Variants in PDGFRB observed in about 807,000 individuals in gnomAD.
PDGFRB encodes the protein platelet derived growth factor receptor beta.
PDGFRB carries 42 observed loss-of-function variants against 120.2 expected under a neutral mutation model. The ratio of observed to expected loss-of-function variants is 0.35; its 90% CI spans 0.27 to 0.45. PDGFRB has a LOEUF of 0.45. PDGFRB is among the 20% of genes least tolerant of loss of function. The pLI, the probability that PDGFRB is intolerant of heterozygous loss-of-function variation, is 1.00. For missense variants in PDGFRB, 1,149 were observed against 1,476.3 expected (o/e 0.78, Z 3.63); for synonymous variants, 586 against 606.8 (o/e 0.97, Z 0.50).
chr5:150,147,158 C>T (rs754120614), intron 1 of PDGFRB, among the ~76,000 whole-genome samples: 5 of 152,188 alleles, frequency 3.3e-5, no homozygotes, highest in Non-Finnish European at 7.4e-5. Context: ...CCAGGCCTGC[C>T]CCTGTGGGGG....
intron 1 of PDGFRB, among the ~76,000 whole-genome samples, chr5:150,152,192 C>A (rs1211306165): frequency 6.6e-6 from 1 of 152,052 alleles, no homozygotes; most frequent in East Asian, 1.9e-4. Flanking sequence ...CATGTGTGAG[C>A]CACCGTGCCC....
chr5:150,115,688 G>C lies in PDGFRB; in HGVS notation c.*75C>G. 7.2e-7 allele frequency: 1 copy of C among 1,391,726 alleles called. No homozygotes were observed. The highest frequency in any genetic ancestry group is 2.4e-5 in the East Asian group (1 of 41,576). The allele number at this position is 1,391,726 out of a possible 1,614,324, so 86.2% of individuals were successfully genotyped here. On this transcript the variant is annotated 3_prime_UTR_variant, in exon 23 of 23. Transcript: ENST00000261799. ...GGGCAGCCTGGCTGACAGGAAGCCCGGTCAGGCCAGGCCAGGAGATGCTGG... is the reference window on the plus strand; with the variant it reads ...GGGCAGCCTGGCTGACAGGAAGCCCCGTCAGGCCAGGCCAGGAGATGCTGG...
intron 1 of PDGFRB, among the ~76,000 whole-genome samples, chr5:150,142,466 G>A (rs1300934018): frequency 1.3e-5 from 2 of 152,200 alleles, no homozygotes; most frequent in Non-Finnish European, 2.9e-5. Flanking sequence ...AAGTTGTTGG[G>A]AGAAGTGAGC....
At chr5:150,118,587 C>T (rs1052154406) in intron 21 of PDGFRB, among the ~76,000 whole-genome samples, 160 bp downstream of exon 21, 5 of 152,118 alleles carry the variant, frequency 3.3e-5, no homozygotes, top group Non-Finnish European at 5.9e-5. Context: ...AAACTCACAG[C>T]GCCAGCCCAT....
At chr5:150,135,899 G>A in intron 2 of PDGFRB, 21 bp from the exon 3 acceptor site, 9 of 1,504,128 alleles carry the variant, frequency 6.0e-6, no homozygotes, top group Non-Finnish European at 7.1e-6. Flanking sequence ...GGAGGTATCA[G>A]ACATCAGGAA....
At position 150,132,537 on chromosome 5, in the gene PDGFRB, G is replaced by C. The variant is rs1760495299; in HGVS notation, c.1127+213C>G. Among the ~76,000 whole-genome samples, 1 of 152,214 alleles carries C rather than the reference G, an allele frequency of 6.6e-6. No homozygotes were observed. Among genetic ancestry groups the C allele is most frequent in the Non-Finnish European group, 1.5e-5 (1 of 68,042 alleles). ...CATCACAAGGACAACTAAACATCTG[G>C]GTGATCATCTGACCGGCGACTGTTT... On this transcript the variant is annotated intron_variant, in intron 7 of 22. Transcript: ENST00000261799. The surrounding 1 kb of genome is among the most constrained non-coding windows in gnomAD (Gnocchi z 5.0).
chr5:150,149,385 A>C (rs73277770), intron 1 of PDGFRB, among the ~76,000 whole-genome samples: 5,211 of 152,286 alleles, frequency 0.034, 328 homozygotes, highest in African/African-American at 0.12. Flanking sequence ...ATGACTGCAG[A>C]GCATTAAACC....
At chr5:150,136,971 C>G (rs139142234) in intron 2 of PDGFRB, 37 bp downstream of exon 2, 1 of 1,564,820 alleles carries the variant, frequency 6.4e-7, no homozygotes, top group African/African-American at 1.4e-5. Context: ...CACTCCGCAG[C>G]CCCCCGGGTC....
At chr5:150,155,012 C>A (rs1196245294) in intron 1 of PDGFRB, among the ~76,000 whole-genome samples, 1 of 152,142 alleles carries the variant, frequency 6.6e-6, no homozygotes, top group Non-Finnish European at 1.5e-5. Flanking sequence ...TCCTGAGGTC[C>A]CCAGTCCCCT....
At position 150,120,401 on chromosome 5, in the gene PDGFRB, G is replaced by A. The variant is rs1478982380; in HGVS notation, c.2587-278C>T. Among the ~76,000 whole-genome samples the A allele has an allele frequency of 6.6e-6, 1 of 152,174 alleles. No individual in the cohort carries two copies. Among genetic ancestry groups the A allele is most frequent in the Non-Finnish European group, 1.5e-5 (1 of 68,020 alleles). On this transcript the variant is annotated intron_variant, in intron 18 of 22. Transcript: ENST00000261799. The surrounding 1 kb of genome is among the most constrained non-coding windows in gnomAD (Gnocchi z 4.3). ...CTGAGTAGTGAAGTGTGGGAGCCAG[G>A]GACTTGTCAAGGCACCCCCCAAGCT...
chr5:150,123,353 C>T, intron 14 of PDGFRB, 152 bp from the exon 15 acceptor site: 1 of 625,608 alleles, frequency 1.6e-6, no homozygotes, highest in South Asian at 1.9e-5. Context: ...TCTTTTCCTG[C>T]CTCTGTGGTG....
Position 150,121,222 on chromosome 5 carries a change from C to T in PDGFRB, c.2445G>A (p.Glu815=), listed in dbSNP as rs1423105047. 1.3e-6 allele frequency: 2 copies of T among 1,571,750 alleles called. No homozygotes were observed. Among genetic ancestry groups the T allele is most frequent in the African/African-American group, 2.7e-5 (2 of 74,094 alleles). The stretch of plus-strand genomic sequence containing the variant: ...CACGTACGTTCTTGGAGGCCAGAAA[C>T]TCCATGCCATTGGCCACCTGGTAGC... ...GFSYQVANGM[E]FLASKNCVHR... Residue 815 remains glutamate, a synonymous_variant, in exon 17 of 23, where the codon GAG becomes GAA. Transcript: ENST00000261799. This position sits in a 1 kb window ranked among gnomAD's most constrained non-coding sequence, Gnocchi z 4.1.
chr5:150,136,569 T>C (rs938223677), intron 2 of PDGFRB, among the ~76,000 whole-genome samples: 2 of 152,130 alleles, frequency 1.3e-5, no homozygotes, highest in African/African-American at 4.8e-5. Context: ...CATTAATTGC[T>C]GGGTCAGTCG....
chr5:150,132,725 T>C lies in PDGFRB; in HGVS notation c.1127+25A>G, dbSNP rs777866659. 2 of 1,598,238 alleles carry C rather than the reference T, an allele frequency of 1.3e-6. No individual in the cohort carries two copies. Among genetic ancestry groups the C allele is most frequent in the Admixed American group, 1.7e-5 (1 of 58,792 alleles). ...CTGCAAAGAAAAATAACTTCAAGAATGGGATGGGAGAGCGAGCTGCTCACC... is the reference window on the plus strand; with the variant it reads ...CTGCAAAGAAAAATAACTTCAAGAACGGGATGGGAGAGCGAGCTGCTCACC... On this transcript the variant is annotated intron_variant, in intron 7 of 22. Coordinates refer to ENST00000261799, the MANE Select transcript of PDGFRB (RefSeq NM_002609.4). This position sits in a 1 kb window ranked among gnomAD's most constrained non-coding sequence, Gnocchi z 5.0.
intron 1 of PDGFRB, among the ~76,000 whole-genome samples, chr5:150,147,051 A>G (rs931351089): frequency 1.3e-5 from 2 of 152,186 alleles, no homozygotes; most frequent in Non-Finnish European, 1.5e-5. Flanking sequence ...TAGGAAAGCC[A>G]GGGTCTGGCA....
chr5:150,128,155 T>C (rs1760352011), intron 10 of PDGFRB, among the ~76,000 whole-genome samples: 1 of 152,218 alleles, frequency 6.6e-6, no homozygotes, highest in South Asian at 2.1e-4. Flanking sequence ...CTTGCAGCCA[T>C]CCTAGGCCCT....
Position 150,121,446 on chromosome 5 carries a change from C to T in PDGFRB, c.2345-124G>A. 1 of 694,608 alleles carries T rather than the reference C, an allele frequency of 1.4e-6. No individual in the cohort carries two copies. The highest frequency in any genetic ancestry group is 2.6e-6 in the Non-Finnish European group (1 of 377,532). The allele number at this position is 694,608 out of a possible 1,614,324, so 43.0% of individuals were successfully genotyped here. A position where few individuals can be genotyped will look rare whatever the true frequency, so the allele number is the denominator to read the frequency against. On this transcript the variant is annotated intron_variant, in intron 16 of 22. Coordinates refer to ENST00000261799, the MANE Select transcript of PDGFRB (RefSeq NM_002609.4). This position sits in a 1 kb window ranked among gnomAD's most constrained non-coding sequence, Gnocchi z 4.1. ...GTGGCTACTGATCGTCTAGGTCTCC[C>T]CTAAAAGGAGAATGATTTCTTAATA...
rs967451060 is a variant in PDGFRB at position 150,155,773 on chromosome 5, T to C, written c.-383A>G. On this transcript the variant is annotated 5_prime_UTR_variant, in exon 1 of 23. Transcript: ENST00000261799. ...GGCTCTCTCCTCCTCCTTGTTGATC[T>C]CCTCTCTGGCTCCAAGTTGCTCACA... 21 of 398,292 alleles carry C rather than the reference T, an allele frequency of 5.3e-5. No individual in the cohort carries two copies. The highest frequency in any genetic ancestry group is 8.4e-5 in the Non-Finnish European group (19 of 226,062). 24.7% of individuals were successfully genotyped at this position (398,292 alleles called of 1,614,324 possible). A position where few individuals can be genotyped will look rare whatever the true frequency, so the allele number is the denominator to read the frequency against.
intron 15 of PDGFRB, chr5:150,122,325 T>G: frequency 2.2e-5 from 8 of 358,912 alleles, no homozygotes; most frequent in East Asian, 5.1e-5. Context: ...CAGAGGCGCC[T>G]TCCTGTGGCC....
Sources: gnomAD v4.1 joint callset for allele counts (sites outside exome capture counted in the v4.1 genomes callset) on GRCh38, gnomAD v4.1.1 for gene constraint, Gnocchi (gnomAD v3.1) non-coding constraint, MANE v1.5 for transcripts, NCBI Gene and HGNC (gene_info 2026-07-23, HGNC 2026-07-21) for gene names.